The following PCDHGA4 variants were observed in gnomAD, a reference collection of about 807,000 sequenced individuals.
PCDHGA4 encodes protocadherin gamma-A4.
In PCDHGA4, 38 loss-of-function variants were observed where a neutral mutation model predicts 54.6. The ratio of observed to expected loss-of-function variants is 0.70; its 90% CI spans 0.54 to 0.91. PCDHGA4 has a LOEUF of 0.91. Ranked by LOEUF, PCDHGA4 falls within the 40% of genes least tolerant of loss-of-function variation. The pLI, the probability that PCDHGA4 is intolerant of heterozygous loss-of-function variation, is 0.00. For missense variants in PCDHGA4, 1,298 were observed against 1,220.9 expected, an observed-to-expected ratio of 1.06 and a Z score of -0.94; for synonymous variants, 511 against 512.9, an observed-to-expected ratio of 1.00 and a Z score of 0.05.
rs756658304 is a variant in PCDHGA4, at chr5:141,485,531, G to C, written c.2515-9276G>C. 6.8e-6 allele frequency: 11 copies of C among 1,614,218 alleles called. No homozygotes were observed. In the Admixed American group the frequency reaches 1.5e-4, roughly 22 times the overall value. On this transcript the variant is annotated intron_variant, in intron 1 of 3. Transcript: ENST00000571252. This position sits in a 1 kb window ranked among gnomAD's most constrained non-coding sequence, Gnocchi z 5.7. ...AGGTCCTTTGGAAATGTACCGAGCA[G>C]AGGTAGAGATCGTAGATGTGAATGA... is the stretch of plus-strand genomic sequence containing the variant.
At chr5:141,390,887 T>TGTGA (rs553460991) in intron 1 of PCDHGA4, 1,524 of 151,180 alleles carry the variant, frequency 0.01, 16 homozygotes, top group Non-Finnish European at 0.015. Flanking sequence ...TGTGTGTGTG[T>TGTGA]GAGAGAGATC....
intron 1 of PCDHGA4, chr5:141,413,709 C>T (rs998398149): frequency 2.4e-5 from 39 of 1,613,536 alleles, no homozygotes; most frequent in Non-Finnish European, 3.3e-5. Flanking sequence ...AGCTCAGCCC[C>T]AATAAGCACT....
At chr5:141,364,796 T>C in intron 1 of PCDHGA4, 2 of 1,614,046 alleles carry the variant, frequency 1.2e-6, no homozygotes, top group South Asian at 2.2e-5. Context: ...AGTGCTTCCC[T>C]TCGCGCGGGA....
intron 1 of PCDHGA4, among the ~76,000 whole-genome samples, chr5:141,445,746 TA>T (rs1486411811): frequency 2.0e-5 from 3 of 152,028 alleles, no homozygotes; most frequent in Non-Finnish European, 4.4e-5. Flanking sequence ...TTTTAAAAAA[TA>T]AAAGGTGTGA....
intron 1 of PCDHGA4, among the ~76,000 whole-genome samples, chr5:141,387,171 G>A (rs1194101631): frequency 6.6e-6 from 1 of 152,156 alleles, no homozygotes; most frequent in Non-Finnish European, 1.5e-5. Flanking sequence ...AGTATAAATT[G>A]CACCTTCTAA....
rs202187251 is a variant in PCDHGA4, at chr5:141,361,781, G to A, written c.2514+4160G>A. Reference sequence around the variant, plus strand: ...GCGCTCAGCGCCAACGTGAGCCTGCGCGTGTTAGTGGGCGACCTCAATGAC... The same window carrying A: ...GCGCTCAGCGCCAACGTGAGCCTGCACGTGTTAGTGGGCGACCTCAATGAC... On this transcript the variant is annotated intron_variant, in intron 1 of 3. Transcript: ENST00000571252. The A allele has an allele frequency of 3.1e-4, 505 of 1,613,104 alleles. No homozygotes were observed. Among genetic ancestry groups the A allele is most frequent in the Non-Finnish European group, 3.8e-4 (452 of 1,179,752 alleles).
intron 1 of PCDHGA4, chr5:141,364,699 A>G (rs1465164729): frequency 1.2e-6 from 2 of 1,613,874 alleles, no homozygotes; most frequent in Non-Finnish European, 1.7e-6. Flanking sequence ...AAGTAGAAAT[A>G]ATCGATATTA....
intron 1 of PCDHGA4, chr5:141,383,740 T>C: frequency 6.2e-7 from 1 of 1,614,008 alleles, no homozygotes. Context: ...GACATATTCT[T>C]TTCGGAAAAT....
chr5:141,392,801 C>A, intron 1 of PCDHGA4: 1 of 1,570,660 alleles, frequency 6.4e-7, no homozygotes, highest in Admixed American at 1.9e-5. Flanking sequence ...GAGGATTCTG[C>A]AGCAAAACAA....
At chr5:141,399,464 C>G in intron 1 of PCDHGA4, 1 of 1,614,018 alleles carries the variant, frequency 6.2e-7, no homozygotes, top group Non-Finnish European at 8.5e-7. Flanking sequence ...GATAACGCTC[C>G]GGTTTTCCAC....
intron 1 of PCDHGA4, among the ~76,000 whole-genome samples, chr5:141,452,114 A>C (rs1443131264): frequency 1.3e-5 from 2 of 152,098 alleles, no homozygotes; most frequent in Admixed American, 1.3e-4. Flanking sequence ...TTCTCTTCTT[A>C]TTTATTCATA....
chr5:141,367,537 A>AAAGTAAATAAAT (rs373624904), intron 1 of PCDHGA4: 1 of 147,434 alleles, frequency 6.8e-6, no homozygotes, highest in African/African-American at 2.5e-5. Flanking sequence ...ACTCCGTCTC[A>AAAGTAAATAAAT]AAATAAATAA....
At chr5:141,375,595 C>T (rs1444867378) in intron 1 of PCDHGA4, 13 of 1,614,066 alleles carry the variant, frequency 8.1e-6, no homozygotes, top group African/African-American at 1.3e-5. Flanking sequence ...TGTCCTCCTA[C>T]GTGTCCATCA....
chr5:141,395,558 G>C (rs60237573), intron 1 of PCDHGA4: 1 of 127,872 alleles, frequency 7.8e-6, no homozygotes, highest in Non-Finnish European at 1.4e-5. Flanking sequence ...GTGTGTGTGT[G>C]TGTGTGTGTG....
intron 1 of PCDHGA4, chr5:141,394,873 C>T (rs376612124): frequency 6.8e-6 from 11 of 1,613,708 alleles, no homozygotes; most frequent in Non-Finnish European, 8.5e-6. Context: ...CCGAACGATT[C>T]GAGCCTTACA....
chr5:141,438,901 G>A (rs1039951275), intron 1 of PCDHGA4, among the ~76,000 whole-genome samples: 2 of 151,746 alleles, frequency 1.3e-5, no homozygotes, highest in African/African-American at 2.4e-5. Flanking sequence ...CCTGACCTCA[G>A]GTGATCCACC....
intron 1 of PCDHGA4, among the ~76,000 whole-genome samples, chr5:141,434,742 G>A (rs1177333213): frequency 6.6e-6 from 1 of 151,500 alleles, no homozygotes; most frequent in Non-Finnish European, 1.5e-5. Context: ...TGAAGGCTAT[G>A]AGACCCCTGA....
intron 1 of PCDHGA4, among the ~76,000 whole-genome samples, chr5:141,450,162 A>T (rs2098671900): frequency 6.6e-6 from 1 of 151,624 alleles, no homozygotes; most frequent in Admixed American, 6.6e-5. Flanking sequence ...ATGTGCCACC[A>T]CACTCCCACC....
At chr5:141,384,308 C>T in intron 1 of PCDHGA4, 1 of 1,613,854 alleles carries the variant, frequency 6.2e-7, no homozygotes, top group Non-Finnish European at 8.5e-7. Context: ...AGAGGGGCCT[C>T]CATTTTCTTA....
Sources: gnomAD v4.1 joint callset for allele counts (sites outside exome capture counted in the v4.1 genomes callset) on GRCh38, gnomAD v4.1.1 for gene constraint, Gnocchi (gnomAD v3.1) non-coding constraint, MANE v1.5 for transcripts, NCBI Gene and HGNC (gene_info 2026-07-23, HGNC 2026-07-21) for gene names.